SYT1: variants seen among roughly 807,000 people sequenced by gnomAD.
SYT1 encodes synaptotagmin-1.
SYT1 carries 8 observed loss-of-function variants against 44.8 expected under a neutral mutation model. That is an observed-to-expected ratio of 0.18 (90% CI 0.10 to 0.32). The LOEUF is 0.32. SYT1 is among the 10% of genes least tolerant of loss of function. The pLI is 1.00. For missense variants in SYT1, 286 were observed against 509.3 expected (o/e 0.56, Z 4.22); for synonymous variants, 154 against 188.8 (o/e 0.82, Z 1.51).
chr12:79,388,001 T>A (rs1307019272), intron 9 of SYT1, among the ~76,000 whole-genome samples: 1 of 152,250 alleles, frequency 6.6e-6, no homozygotes, highest in Non-Finnish European at 1.5e-5. Context: ...CTTTGTTATA[T>A]GAACATTTAT....
At chr12:79,051,315 AAT>A (rs1211908782) in intron 3 of SYT1, among the ~76,000 whole-genome samples, 5 of 149,820 alleles carry the variant, frequency 3.3e-5, no homozygotes, top group Admixed American at 1.3e-4. Flanking sequence ...TTTATAAATA[AAT>A]ATATATATAC....
intron 3 of SYT1, among the ~76,000 whole-genome samples, chr12:79,137,765 C>T (rs932678845): frequency 4.6e-5 from 7 of 152,028 alleles, no homozygotes; most frequent in African/African-American, 1.7e-4. Flanking sequence ...TTCTATAATG[C>T]ATTTCTTTAC....
rs149261632 is a variant in SYT1, at chr12:78,915,065, G to A, written c.-217+49956G>A. 1.1e-3 allele frequency among the ~76,000 whole-genome samples: 167 copies of A among 147,998 alleles called. 1 individual carries two copies. Among genetic ancestry groups the A allele is most frequent in the African/African-American group, 4.0e-3 (157 of 39,696 alleles). On this transcript the variant is annotated intron_variant, in intron 1 of 10. Transcript: ENST00000261205. ...AAAAGATAGACTGGAACTCAACTAT[G>A]AGCTATTGAACGTTTTAAAATAGAA... is the stretch of plus-strand genomic sequence containing the variant.
At chr12:78,876,807 G>T (rs866752392) in intron 1 of SYT1, among the ~76,000 whole-genome samples, 2 of 15,234 alleles carry the variant, frequency 1.3e-4, no homozygotes, top group Non-Finnish European at 1.9e-4. Flanking sequence ...TATATTATAT[G>T]TAATACATAT....
At chr12:79,349,245 A>G (rs931367132) in intron 8 of SYT1, among the ~76,000 whole-genome samples, 3 of 152,154 alleles carry the variant, frequency 2.0e-5, no homozygotes, top group African/African-American at 4.8e-5. Context: ...AGACATTTAC[A>G]AAATGAGAAA....
chr12:79,300,251 G>A (rs1364227291), intron 8 of SYT1, among the ~76,000 whole-genome samples: 2 of 152,142 alleles, frequency 1.3e-5, no homozygotes, highest in Non-Finnish European at 2.9e-5. Context: ...CCTGGCACCA[G>A]CATTTTTCTC....
intron 8 of SYT1, among the ~76,000 whole-genome samples, chr12:79,323,349 A>G (rs1289727471): frequency 6.6e-6 from 1 of 152,214 alleles, no homozygotes; most frequent in Admixed American, 6.5e-5. Context: ...TTTTCCATAT[A>G]TCAGCCCTTG....
At position 79,058,129 on chromosome 12, in the gene SYT1, T is replaced by A. The variant is rs987070120; in HGVS notation, c.-18+10767T>A. Among the ~76,000 whole-genome samples, 23 of 152,016 alleles carry A rather than the reference T, an allele frequency of 1.5e-4. 1 individual carries two copies. Among genetic ancestry groups the A allele is most frequent in the Non-Finnish European group, 2.9e-5 (2 of 67,964 alleles). On this transcript the variant is annotated intron_variant, in intron 3 of 10. Transcript: ENST00000261205. ...CAGATTTGTCATTAAATGAGACAGC[T>A]AAAAGAATGGAAGCAATACAAGCAG...
intron 1 of SYT1, among the ~76,000 whole-genome samples, chr12:78,972,478 G>T (rs111983149): frequency 0.088 from 13,305 of 151,018 alleles, 746 homozygotes; most frequent in African/African-American, 0.15. Flanking sequence ...CGAACACACA[G>T]AAGTTAAAAT....
chr12:78,874,879 A>G (rs1873986948), intron 1 of SYT1, among the ~76,000 whole-genome samples: 1 of 151,584 alleles, frequency 6.6e-6, no homozygotes, highest in African/African-American at 2.4e-5. Flanking sequence ...ATTTAATTCT[A>G]GTTATGTCCT....
chr12:79,064,964 G>T (rs970542644), intron 3 of SYT1, among the ~76,000 whole-genome samples: 2 of 150,122 alleles, frequency 1.3e-5, no homozygotes, highest in Non-Finnish European at 3.0e-5. Flanking sequence ...AAGAAAGAAA[G>T]AAAGAAAGAA....
chr12:79,226,941 T>C (rs1370549283), intron 4 of SYT1, among the ~76,000 whole-genome samples: 1 of 152,190 alleles, frequency 6.6e-6, no homozygotes, highest in East Asian at 1.9e-4. Context: ...ACTTTTGACT[T>C]GGCATAACAT....
intron 2 of SYT1, among the ~76,000 whole-genome samples, chr12:79,020,238 C>T (rs1872098542): frequency 6.6e-6 from 1 of 151,878 alleles, no homozygotes; most frequent in Non-Finnish European, 1.5e-5. Context: ...TATTTTTTAT[C>T]TCCCTAAATC....
At position 79,353,488 on chromosome 12, in the gene SYT1, A is replaced by T. The variant is rs1446897701; in HGVS notation, c.811-14A>T. On this transcript the variant is annotated splice_polypyrimidine_tract_variant and intron_variant, in intron 8 of 10. Coordinates refer to ENST00000261205, the MANE Select transcript of SYT1 (RefSeq NM_005639.3). The stretch of plus-strand genomic sequence containing the variant: ...TTTGAAAAATTGCTAATACTTTCTT[A>T]TTGGTTTTCTTAGCAAGAGAAATTG... 6.3e-7 allele frequency: 1 copy of T among 1,579,352 alleles called. No homozygotes were observed. Among genetic ancestry groups the T allele is most frequent in the South Asian group, 1.1e-5 (1 of 90,274 alleles).
At chr12:79,242,474 C>T (rs1348849078) in intron 4 of SYT1, among the ~76,000 whole-genome samples, 1 of 152,252 alleles carries the variant, frequency 6.6e-6, no homozygotes, top group East Asian at 1.9e-4. Context: ...TGCACTGGGG[C>T]TTGATTGTCC....
chr12:78,881,872 C>T (rs1874475478), intron 1 of SYT1, among the ~76,000 whole-genome samples: 1 of 151,576 alleles, frequency 6.6e-6, no homozygotes, highest in African/African-American at 2.4e-5. Flanking sequence ...ATTTTTTTGG[C>T]TTGCTAAACT....
chr12:78,962,292 C>T (rs891999384), intron 1 of SYT1, among the ~76,000 whole-genome samples: 2 of 151,192 alleles, frequency 1.3e-5, no homozygotes, highest in African/African-American at 4.9e-5. Flanking sequence ...AGTATTTTGA[C>T]CACTGCTTGG....
intron 1 of SYT1, among the ~76,000 whole-genome samples, chr12:78,973,110 G>GT (rs1428259013): frequency 4.6e-5 from 7 of 152,040 alleles, no homozygotes; most frequent in African/African-American, 1.7e-4. Flanking sequence ...TCTAACAACT[G>GT]TTTCTTTTAA....
chr12:78,893,228 T>G (rs1875153465), intron 1 of SYT1, among the ~76,000 whole-genome samples: 1 of 151,858 alleles, frequency 6.6e-6, no homozygotes, highest in South Asian at 2.1e-4. Context: ...AATTTGCTAA[T>G]AATGATTCTT....
Sources: gnomAD v4.1 joint callset for allele counts (sites outside exome capture counted in the v4.1 genomes callset) on GRCh38, gnomAD v4.1.1 for gene constraint, MANE v1.5 for transcripts, NCBI Gene and HGNC (gene_info 2026-07-23, HGNC 2026-07-21) for gene names.